Variants in CDH10 observed in about 807,000 individuals in gnomAD.
CDH10 encodes cadherin-10.
In CDH10, 30 loss-of-function variants were observed where a neutral mutation model predicts 73.1. The observed-to-expected ratio is 0.41, with a 90% CI of 0.31 to 0.56. CDH10 has a LOEUF of 0.56. CDH10 is among the 20% of genes least tolerant of loss of function. The pLI is 0.27. For synonymous variants in CDH10, 345 were observed against 348.2 expected, an observed-to-expected ratio of 0.99 and a Z score of 0.10; for missense variants, 815 against 973.7, an observed-to-expected ratio of 0.84 and a Z score of 2.17.
chr5:24,488,156 T>G lies in CDH10; in HGVS notation c.1877-3A>C. 6.3e-7 allele frequency: 1 copy of G among 1,589,768 alleles called. No individual in the cohort carries two copies. ...AGCTGCAAACAGTACTACTATAACT[T>G]GAAAAAAGACAAGAAGATACATTAG... On this transcript the variant is annotated splice_polypyrimidine_tract_variant and splice_region_variant and intron_variant, in intron 11 of 11. Coordinates refer to ENST00000264463, the MANE Select transcript of CDH10 (RefSeq NM_006727.5).
chr5:24,638,975 G>A (rs762334009), intron 1 of CDH10, among the ~76,000 whole-genome samples: 1 of 151,344 alleles, frequency 6.6e-6, no homozygotes, highest in African/African-American at 2.4e-5. Flanking sequence ...TGAGTTAGAG[G>A]TATAAAAATT....
intron 1 of CDH10, among the ~76,000 whole-genome samples, chr5:24,601,242 T>C (rs1184101337): frequency 6.6e-6 from 1 of 152,134 alleles, no homozygotes; most frequent in Non-Finnish European, 1.5e-5. Flanking sequence ...TGTATCCAGC[T>C]TTGGAAATCA....
At chr5:24,571,661 T>C (rs989923294) in intron 2 of CDH10, among the ~76,000 whole-genome samples, 1 of 152,066 alleles carries the variant, frequency 6.6e-6, no homozygotes. Flanking sequence ...CTACATAAGG[T>C]AGTCCATACA....
chr5:24,514,033 T>C (rs1743016639), intron 5 of CDH10, among the ~76,000 whole-genome samples: 1 of 152,184 alleles, frequency 6.6e-6, no homozygotes, highest in Non-Finnish European at 1.5e-5. Flanking sequence ...CATTTTTATC[T>C]AAGAGTTCAT....
At chr5:24,628,714 T>C (rs778046013) in intron 1 of CDH10, among the ~76,000 whole-genome samples, 5 of 152,106 alleles carry the variant, frequency 3.3e-5, no homozygotes, top group Non-Finnish European at 7.4e-5. Flanking sequence ...TCTTCACAAA[T>C]GTATTTTCTC....
intron 7 of CDH10, among the ~76,000 whole-genome samples, chr5:24,508,327 A>G (rs1425992083): frequency 6.6e-6 from 1 of 152,180 alleles, no homozygotes; most frequent in Non-Finnish European, 1.5e-5. Context: ...TCAGTTTATC[A>G]CATCTCATCT....
chr5:24,586,650 G>T (rs1288902779), intron 2 of CDH10, among the ~76,000 whole-genome samples: 11 of 150,920 alleles, frequency 7.3e-5, no homozygotes, highest in African/African-American at 1.5e-4. Flanking sequence ...TCGCCATGTT[G>T]GTCAGGCTGG....
chr5:24,604,411 A>G (rs1157085450), intron 1 of CDH10, among the ~76,000 whole-genome samples: 1 of 152,194 alleles, frequency 6.6e-6, no homozygotes, highest in African/African-American at 2.4e-5. Flanking sequence ...AATTAAACAA[A>G]ATATATGCAA....
At chr5:24,604,918 A>C (rs148601168) in intron 1 of CDH10, among the ~76,000 whole-genome samples, 3 of 151,082 alleles carry the variant, frequency 2.0e-5, no homozygotes, top group African/African-American at 7.4e-5. Context: ...AACAAACAAA[A>C]GAAAGTCAAA....
intron 7 of CDH10, among the ~76,000 whole-genome samples, chr5:24,506,347 A>G (rs1742697444): frequency 6.6e-6 from 1 of 152,190 alleles, no homozygotes; most frequent in Admixed American, 6.5e-5. Context: ...TCTTTATCCA[A>G]CTACATATCT....
intron 2 of CDH10, among the ~76,000 whole-genome samples, chr5:24,586,717 T>C (rs1746015660): frequency 6.6e-6 from 1 of 151,856 alleles, no homozygotes. Context: ...AGTGCTGGGA[T>C]TACAGGCGAG....
intron 1 of CDH10, among the ~76,000 whole-genome samples, chr5:24,597,435 G>T (rs942235180): frequency 6.6e-6 from 1 of 152,046 alleles, no homozygotes; most frequent in African/African-American, 2.4e-5. Flanking sequence ...CCCCAGATAC[G>T]TAGCCTACTA....
intron 2 of CDH10, among the ~76,000 whole-genome samples, chr5:24,561,291 A>G (rs145665879): frequency 4.6e-5 from 7 of 152,270 alleles, no homozygotes; most frequent in African/African-American, 1.7e-4. Context: ...CATATCCTAT[A>G]CTAGTCATTG....
intron 1 of CDH10, among the ~76,000 whole-genome samples, chr5:24,630,847 A>T (rs1747680363): frequency 6.6e-6 from 1 of 152,140 alleles, no homozygotes; most frequent in Admixed American, 6.6e-5. Flanking sequence ...CATGCTGATA[A>T]TATTTAATAG....
At chr5:24,488,244 G>C in intron 11 of CDH10, 91 bp from the exon 12 acceptor site, 1 of 1,095,486 alleles carries the variant, frequency 9.1e-7, no homozygotes, top group Non-Finnish European at 1.3e-6. Context: ...AAGTTACTCA[G>C]GCTTTCTATA....
rs144932394 is a variant in CDH10 at position 24,598,733 on chromosome 5, A to G, written c.-123-5120T>C. Among the ~76,000 whole-genome samples, 698 of 152,232 alleles carry G rather than the reference A, an allele frequency of 4.6e-3. 3 individuals carry two copies. The highest frequency in any genetic ancestry group is 9.3e-3 in the South Asian group (45 of 4,828). On this transcript the variant is annotated intron_variant, in intron 1 of 11. Coordinates refer to ENST00000264463, the MANE Select transcript of CDH10 (RefSeq NM_006727.5). ...TGTTATCAATGCAGAAAGAATCCCA[A>G]GAAGCTCTGGTCCTTGCTATTCTTT...
intron 2 of CDH10, among the ~76,000 whole-genome samples, chr5:24,548,087 C>T (rs1744406168): frequency 6.6e-6 from 1 of 152,112 alleles, no homozygotes; most frequent in African/African-American, 2.4e-5. Flanking sequence ...ATCAGAAATC[C>T]ACAGACTAGG....
chr5:24,627,993 T>A (rs983446), intron 1 of CDH10, among the ~76,000 whole-genome samples: 92,162 of 151,954 alleles, frequency 0.61, 31,678 homozygotes, highest in Admixed American at 0.75. Flanking sequence ...TCTTATGGCA[T>A]CGTGGTAATA....
In CDH10 at chr5:24,583,324, C is replaced by A. The variant is rs182717236; in HGVS notation, c.231+9936G>T. Among the ~76,000 whole-genome samples the A allele has an allele frequency of 4.8e-3, 727 of 151,374 alleles. 2 individuals carry two copies. The highest frequency in any genetic ancestry group is 0.015 in the African/African-American group (632 of 41,266). On this transcript the variant is annotated intron_variant, in intron 2 of 11. Coordinates refer to ENST00000264463, the MANE Select transcript of CDH10 (RefSeq NM_006727.5). ...TTCTCTTGGAATATGTAACAAAAAA[C>A]TGGAAATATATATATTTTTAAAGAA... is the stretch of plus-strand genomic sequence containing the variant.
Sources: allele counts gnomAD v4.1 joint callset (sites outside exome capture counted in the v4.1 genomes callset), GRCh38; gene constraint gnomAD v4.1.1; transcripts MANE v1.5; gene names NCBI Gene and HGNC (gene_info 2026-07-23, HGNC 2026-07-21).